Variants in ORMDL1 observed in about 807,000 individuals in gnomAD.
ORMDL1 encodes ORM1-like protein 1.
A neutral mutation model predicts 13.0 loss-of-function variants in ORMDL1; 10 were observed. The ratio of observed to expected loss-of-function variants is 0.77; its 90% confidence interval spans 0.47 to 1.30. The LOEUF (loss-of-function observed/expected upper bound fraction) is 1.30. Ranked by LOEUF, ORMDL1 falls within the 50% of genes most tolerant of loss-of-function variation. The pLI is 0.00. For synonymous variants in ORMDL1, 61 were observed against 63.9 expected, an observed-to-expected ratio of 0.95 and a Z score of 0.22; for missense variants, 171 against 186.7, an observed-to-expected ratio of 0.92 and a Z score of 0.49.
Position 189,770,604 on chromosome 2 carries a change from C to T in ORMDL1, c.*1163G>A, listed in dbSNP as rs2047557878. 1 of 152,094 alleles carries T rather than the reference C, an allele frequency of 6.6e-6. No individual in the cohort carries two copies. Among genetic ancestry groups the T allele is most frequent in the African/African-American group, 2.4e-5 (1 of 41,406 alleles). The allele number at this position is 152,094 out of a possible 1,614,324, so 9.4% of individuals were successfully genotyped here. A position where few individuals can be genotyped will look rare whatever the true frequency, so the allele number is the denominator to read the frequency against. Reference sequence around the variant, plus strand: ...AACTTTGTTTTTTTTGACATGTTTACTTCTCAAAGTAGTATATAGTTATTT... The same window carrying T: ...AACTTTGTTTTTTTTGACATGTTTATTTCTCAAAGTAGTATATAGTTATTT... On this transcript the variant is annotated 3_prime_UTR_variant, in exon 5 of 5. Coordinates refer to ENST00000392349, the MANE Select transcript of ORMDL1 (RefSeq NM_016467.5).
chr2:189,768,404 G>T (rs1559185499), downstream of ORMDL1, among the ~76,000 whole-genome samples: 1 of 152,204 alleles, frequency 6.6e-6, no homozygotes, highest in Non-Finnish European at 1.5e-5. Flanking sequence ...CTAGCATGAG[G>T]CTATTTTTGG....
downstream of ORMDL1, among the ~76,000 whole-genome samples, chr2:189,769,605 G>T (rs2047538328): frequency 1.3e-5 from 2 of 152,130 alleles, no homozygotes; most frequent in South Asian, 4.1e-4. Context: ...CAGTCAGCTT[G>T]TAAGAGCTCC....
the ORMDL1 span, chr2:189,764,120 G>C: frequency 6.6e-6 from 1 of 152,174 alleles, no homozygotes; most frequent in African/African-American, 2.4e-5. Context: ...TTAACTGCTA[G>C]AAGAGAAAAT....
chr2:189,764,586 G>A, the ORMDL1 span: 1 of 152,204 alleles, frequency 6.6e-6, no homozygotes, highest in African/African-American at 2.4e-5. Flanking sequence ...TGTAACATAG[G>A]AGAGGGTTAT....
At chr2:189,768,020 C>G (rs2047511099), downstream of ORMDL1, among the ~76,000 whole-genome samples, 1 of 152,164 alleles carries the variant, frequency 6.6e-6, no homozygotes, top group African/African-American at 2.4e-5. Flanking sequence ...TCATTTGTAG[C>G]TATATGAAAA....
the ORMDL1 span, chr2:189,764,864 C>T: frequency 2.6e-5 from 4 of 151,502 alleles, no homozygotes; most frequent in East Asian, 5.8e-4. Flanking sequence ...GATGGAGTCT[C>T]ACTCTGTTGC....
intron 1 of ORMDL1, 66 bp downstream of exon 1, chr2:189,784,203 G>A (rs1302577572): frequency 3.3e-5 from 5 of 152,328 alleles, no homozygotes; most frequent in Admixed American, 2.6e-4. Flanking sequence ...ACGACCCCTA[G>A]GCCGCCAGCA....
chr2:189,767,002 C>T (rs1489393681), downstream of ORMDL1, among the ~76,000 whole-genome samples: 3 of 152,172 alleles, frequency 2.0e-5, no homozygotes, highest in Admixed American at 1.3e-4. Flanking sequence ...AACCATTCAT[C>T]CCTTGATGGA....
intron 2 of ORMDL1, 189 bp from the exon 3 acceptor site, chr2:189,782,791 G>C (rs2047896732): frequency 3.9e-6 from 2 of 506,754 alleles, no homozygotes; most frequent in East Asian, 3.0e-5. Context: ...TTCAGCATTT[G>C]ACTTTAGGGT....
At position 189,771,824 on chromosome 2, in the gene ORMDL1, T is replaced by C; in HGVS notation, c.405A>G (p.Leu135=). 3 of 1,611,986 alleles carry C rather than the reference T, an allele frequency of 1.9e-6. No individual in the cohort carries two copies. The highest frequency in any genetic ancestry group is 1.7e-4 in the Middle Eastern group (1 of 6,058). The part of the protein sequence containing the change: ...ILNTASLLSV[L]IPKMPQLHGV... The stretch of plus-strand genomic sequence containing the variant: ...CATGTAGTTGTGGCATTTTGGGAAT[T>C]AGTACACTCAGGAGAGAAGCTGTGT... The change falls in exon 5 of 5, where the codon CTA becomes CTG. Residue 135 remains leucine, a synonymous_variant. Transcript: ENST00000392349.
At chr2:189,780,225 C>T (rs572739963) in intron 3 of ORMDL1, among the ~76,000 whole-genome samples, 1 of 152,290 alleles carries the variant, frequency 6.6e-6, no homozygotes, top group South Asian at 2.1e-4. Context: ...ATTTTAATTG[C>T]AACCTGTCAG....
chr2:189,765,484 G>C (rs956727699), downstream of ORMDL1: 1 of 152,176 alleles, frequency 6.6e-6, no homozygotes, highest in African/African-American at 2.4e-5. Flanking sequence ...ATCAGGTCTG[G>C]AAGTGACTGG....
chr2:189,765,245 TAAG>T, the ORMDL1 span: 1 of 152,208 alleles, frequency 6.6e-6, no homozygotes, highest in Non-Finnish European at 1.5e-5. Context: ...TTTATTAGTA[TAAG>T]GATACAGATA....
At chr2:189,777,009 A>G (rs2047711790) in intron 3 of ORMDL1, among the ~76,000 whole-genome samples, 1 of 152,178 alleles carries the variant, frequency 6.6e-6, no homozygotes, top group African/African-American at 2.4e-5. Context: ...TTGCTGTGCC[A>G]AAAGTCTTGA....
downstream of ORMDL1, among the ~76,000 whole-genome samples, chr2:189,768,071 G>A (rs188121117): frequency 2.6e-5 from 4 of 152,234 alleles, no homozygotes; most frequent in Admixed American, 2.6e-4. Flanking sequence ...TACATCACTG[G>A]ATCTTTTTTA....
At chr2:189,781,290 TA>T (rs2047822413) in intron 3 of ORMDL1, among the ~76,000 whole-genome samples, 1 of 152,208 alleles carries the variant, frequency 6.6e-6, no homozygotes, top group African/African-American at 2.4e-5. Context: ...AAGTTCATTT[TA>T]AAAAATATCT....
intron 3 of ORMDL1, among the ~76,000 whole-genome samples, chr2:189,780,890 A>T (rs1306058596): frequency 6.6e-6 from 1 of 152,206 alleles, no homozygotes; most frequent in Admixed American, 6.5e-5. Context: ...GTCAACTTCA[A>T]ATATACTCCA....
chr2:189,776,406 C>T (rs2047697229), intron 3 of ORMDL1, among the ~76,000 whole-genome samples: 2 of 151,878 alleles, frequency 1.3e-5, no homozygotes, highest in African/African-American at 4.8e-5. Flanking sequence ...TTTTTTTTAT[C>T]AATAGGGTAG....
downstream of ORMDL1, among the ~76,000 whole-genome samples, chr2:189,768,937 AAG>A (rs1450186742): frequency 7.2e-5 from 11 of 152,332 alleles, no homozygotes; most frequent in Admixed American, 3.3e-4. Flanking sequence ...TAAATACTTG[AAG>A]AGTTATGTAA....
Sources: allele counts gnomAD v4.1 joint callset (sites outside exome capture counted in the v4.1 genomes callset), GRCh38; gene constraint gnomAD v4.1.1; transcripts MANE v1.5; gene names NCBI Gene and HGNC (gene_info 2026-07-23, HGNC 2026-07-21).